The following ZNF503 variants were observed in gnomAD, a reference collection of about 807,000 sequenced individuals.
ZNF503 encodes NocA-like zinc finger 2.
Under a neutral mutation model 34.4 loss-of-function variants are expected in ZNF503, and 15 were observed. The ratio of observed to expected loss-of-function variants is 0.44; its 90% CI spans 0.29 to 0.67. ZNF503 has a LOEUF of 0.67. Ranked by LOEUF, ZNF503 falls within the 30% of genes least tolerant of loss-of-function variation. The probability of loss-of-function intolerance (pLI) is 0.13; values close to 1 mark genes in which losing one functional copy is unlikely to be tolerated. For missense variants in ZNF503, 1,007 were observed against 926.8 expected (o/e 1.09, Z -1.12); for synonymous variants, 580 against 456.8 (o/e 1.27, Z -3.44).
the ZNF503 span, among the ~76,000 whole-genome samples, chr10:75,374,863 G>T: frequency 6.6e-6 from 1 of 152,206 alleles, no homozygotes; most frequent in African/African-American, 2.4e-5. Flanking sequence ...ATTGATACCA[G>T]CCCTTGGAAA....
At chr10:75,354,651 A>G in the ZNF503 span, among the ~76,000 whole-genome samples, 1 of 152,112 alleles carries the variant, frequency 6.6e-6, no homozygotes, top group Non-Finnish European at 1.5e-5. Context: ...TTGAGGCAGC[A>G]GTAAGTTATG....
chr10:75,354,542 A>G, the ZNF503 span, among the ~76,000 whole-genome samples: 1 of 150,816 alleles, frequency 6.6e-6, no homozygotes, highest in Non-Finnish European at 1.5e-5. Flanking sequence ...GTAGGATCCT[A>G]TCTCTACAAA....
the ZNF503 span, chr10:75,358,458 G>T: frequency 3.9e-5 from 6 of 152,322 alleles, no homozygotes; most frequent in African/African-American, 1.2e-4. Context: ...GTGAGAGCGT[G>T]TATGTACATA....
chr10:75,375,466 G>A, the ZNF503 span, among the ~76,000 whole-genome samples: 2 of 152,112 alleles, frequency 1.3e-5, no homozygotes, highest in Non-Finnish European at 2.9e-5. Context: ...CCAAATGGGG[G>A]CTTATGTTTT....
chr10:75,387,488 C>T, the ZNF503 span, among the ~76,000 whole-genome samples: 38 of 152,212 alleles, frequency 2.5e-4, no homozygotes, highest in African/African-American at 8.9e-4. Flanking sequence ...GAAAGCACTA[C>T]ATACAGTATT....
the ZNF503 span, among the ~76,000 whole-genome samples, chr10:75,339,812 C>T: frequency 6.6e-6 from 1 of 152,200 alleles, no homozygotes; most frequent in African/African-American, 2.4e-5. Context: ...TGCCAACCAA[C>T]CATTGATTCG....
the ZNF503 span, among the ~76,000 whole-genome samples, chr10:75,362,506 G>A: frequency 6.6e-6 from 1 of 151,902 alleles, no homozygotes; most frequent in Non-Finnish European, 1.5e-5. Flanking sequence ...CTCTAACTTC[G>A]AATTTCCCAA....
At chr10:75,394,936 T>C (rs574055796), downstream of ZNF503, among the ~76,000 whole-genome samples, 2 of 152,280 alleles carry the variant, frequency 1.3e-5, no homozygotes, top group East Asian at 3.9e-4. Flanking sequence ...AGGGTCGCTG[T>C]GTCACCACCA....
At chr10:75,313,968 C>T in the ZNF503 span, among the ~76,000 whole-genome samples, 8 of 152,138 alleles carry the variant, frequency 5.3e-5, no homozygotes, top group South Asian at 2.1e-4. Flanking sequence ...CAAAGCCAGC[C>T]GGTAGAGTGG....
the ZNF503 span, among the ~76,000 whole-genome samples, chr10:75,339,927 A>G: frequency 2.6e-5 from 4 of 151,988 alleles, no homozygotes; most frequent in African/African-American, 9.7e-5. Context: ...TTAAAATAAT[A>G]ATAATAAACT....
At chr10:75,342,293 C>T in the ZNF503 span, among the ~76,000 whole-genome samples, 2 of 152,154 alleles carry the variant, frequency 1.3e-5, no homozygotes, top group African/African-American at 4.8e-5. Flanking sequence ...TGGGTTTCAG[C>T]TCCCACTTGT....
At chr10:75,400,965 C>T in intron 1 of ZNF503, 140 bp downstream of exon 1, 1 of 1,257,230 alleles carries the variant, frequency 8.0e-7, no homozygotes, top group Non-Finnish European at 1.1e-6. Flanking sequence ...TTTTGAGGTA[C>T]GGAAGCAGTA....
downstream of ZNF503, among the ~76,000 whole-genome samples, chr10:75,395,072 G>T (rs1411590380): frequency 1.3e-5 from 2 of 152,238 alleles, no homozygotes; most frequent in African/African-American, 2.4e-5. The surrounding 1 kb of genome is among the most constrained non-coding windows in gnomAD (Gnocchi z 4.4). Context: ...GAGTAAATGG[G>T]ATGAGCAGCC....
intron 1 of ZNF503, 85 bp from the exon 2 acceptor site, chr10:75,400,459 G>A (rs1843782823): frequency 2.0e-6 from 3 of 1,468,600 alleles, no homozygotes; most frequent in Non-Finnish European, 2.7e-6. Flanking sequence ...GGGTTCAAAT[G>A]CCTCTCCGCA....
At chr10:75,338,563 G>C in the ZNF503 span, 1 of 152,208 alleles carries the variant, frequency 6.6e-6, no homozygotes, top group Admixed American at 6.5e-5. Flanking sequence ...GGGATTTCTG[G>C]TAAGGGGAGC....
chr10:75,382,645 G>T, the ZNF503 span: 1 of 368,172 alleles, frequency 2.7e-6, no homozygotes, highest in Non-Finnish European at 5.4e-6. Flanking sequence ...TGTTCTAGAA[G>T]CAGTCTTCTA....
At chr10:75,395,922 G>GA (rs1000017022), downstream of ZNF503, among the ~76,000 whole-genome samples, 11 of 152,252 alleles carry the variant, frequency 7.2e-5, no homozygotes, top group Admixed American at 1.3e-4. The surrounding 1 kb of genome is among the most constrained non-coding windows in gnomAD (Gnocchi z 4.4). Flanking sequence ...CAGGGCGGGG[G>GA]AATGTCTAGG....
the ZNF503 span, chr10:75,280,159 G>T: frequency 1.3e-5 from 2 of 152,258 alleles, no homozygotes; most frequent in South Asian, 4.2e-4. Context: ...AAAGAAAAAA[G>T]GGGGATTAAT....
At chr10:75,303,890 G>T in the ZNF503 span, among the ~76,000 whole-genome samples, 1 of 148,148 alleles carries the variant, frequency 6.8e-6, no homozygotes, top group African/African-American at 2.5e-5. Context: ...CTGGAGTGCA[G>T]TGGTACAATC....
Sources: gnomAD v4.1 joint callset for allele counts (sites outside exome capture counted in the v4.1 genomes callset) on GRCh38, gnomAD v4.1.1 for gene constraint, Gnocchi (gnomAD v3.1) non-coding constraint, MANE v1.5 for transcripts, NCBI Gene and HGNC (gene_info 2026-07-23, HGNC 2026-07-21) for gene names.